KLF7: variants seen among roughly 807,000 people sequenced by gnomAD.
The protein encoded by KLF7 is KLF transcription factor 7, also known as Krueppel-like factor 7.
Under a neutral mutation model 27.3 loss-of-function variants are expected in KLF7, and 2 were observed. That is an observed-to-expected ratio of 0.07 (90% confidence interval 0.03 to 0.23). KLF7 has a LOEUF of 0.23. Among genes scored for constraint, KLF7 ranks in the 10% least tolerant of loss-of-function variants. The probability of loss-of-function intolerance (pLI) is 1.00; values close to 1 mark genes in which losing one functional copy is unlikely to be tolerated. For synonymous variants in KLF7, 165 were observed against 162.4 expected (o/e 1.02, Z -0.12); for missense variants, 221 against 394.1 (o/e 0.56, Z 3.72).
At chr2:207,117,824 G>A (rs1408646028) in intron 2 of KLF7, among the ~76,000 whole-genome samples, 3 of 152,200 alleles carry the variant, frequency 2.0e-5, no homozygotes, top group Non-Finnish European at 4.4e-5. Context: ...GAAGCGACTT[G>A]TTATCTCCAA....
At chr2:207,117,556 A>C (rs1218521991) in intron 2 of KLF7, among the ~76,000 whole-genome samples, 1 of 152,156 alleles carries the variant, frequency 6.6e-6, no homozygotes, top group South Asian at 2.1e-4. Flanking sequence ...GTCTCGGCAT[A>C]TTAAAGGCCC....
At chr2:207,155,850 G>A (rs1055383267) in intron 1 of KLF7, among the ~76,000 whole-genome samples, 1 of 152,292 alleles carries the variant, frequency 6.6e-6, no homozygotes, top group Non-Finnish European at 1.5e-5. Flanking sequence ...AAAGGCAGGG[G>A]GTGTTGGGGT....
upstream of KLF7, chr2:207,166,410 G>C (rs1033024296): frequency 1.3e-5 from 2 of 155,648 alleles, no homozygotes; most frequent in African/African-American, 2.4e-5. Context: ...GCAAGGGACA[G>C]GGAGGGTCGT....
At chr2:207,126,643 C>T (rs1369128883) in intron 1 of KLF7, among the ~76,000 whole-genome samples, 1 of 152,074 alleles carries the variant, frequency 6.6e-6, no homozygotes, top group African/African-American at 2.4e-5. Flanking sequence ...TCCACAAAAA[C>T]TAAAAGAAAA....
At chr2:207,168,898 C>A (rs775731674), upstream of KLF7, among the ~76,000 whole-genome samples, 2 of 152,204 alleles carry the variant, frequency 1.3e-5, no homozygotes, top group African/African-American at 4.8e-5. Flanking sequence ...CACAAGAGAA[C>A]TTTGGCAGTT....
At position 207,077,722 on chromosome 2, in the gene KLF7, A is replaced by G. The variant is rs1157472390; in HGVS notation, c.*3491T>C. On this transcript the variant is annotated 3_prime_UTR_variant, in exon 4 of 4. Transcript: ENST00000309446. ...GAGGCCAGTAGCTAGGAGCAGCATT[A>G]TAATTTCAGGTTTCCATGTCTATGA... 1 of 152,186 alleles carries G rather than the reference A, an allele frequency of 6.6e-6. No individual in the cohort carries two copies. The highest frequency in any genetic ancestry group is 1.5e-5 in the Non-Finnish European group (1 of 68,042). The allele number at this position is 152,186 out of a possible 1,614,324, so 9.4% of individuals were successfully genotyped here.
chr2:207,165,924 T>G lies in KLF7; in HGVS notation c.-356A>C. The G allele has an allele frequency of 3.7e-6, 4 of 1,095,738 alleles. No homozygotes were observed. The highest frequency in any genetic ancestry group is 4.5e-6 in the Non-Finnish European group (4 of 896,642). The allele number at this position is 1,095,738 out of a possible 1,614,324, so 67.9% of individuals were successfully genotyped here. A position where few individuals can be genotyped will look rare whatever the true frequency, so the allele number is the denominator to read the frequency against. On this transcript the variant is annotated 5_prime_UTR_variant, in exon 1 of 4. Transcript: ENST00000309446. The stretch of plus-strand genomic sequence containing the variant: ...GGATGCAAACTCACTGACACGAAGC[T>G]GCCATCTATTTCTGCAGCGCTGTTC...
chr2:207,166,944 G>A, upstream of KLF7: 1 of 883,182 alleles, frequency 1.1e-6, no homozygotes, highest in Non-Finnish European at 1.4e-6. Context: ...CGCGGGCGCC[G>A]CCGCCGCCGC....
Position 207,150,305 on chromosome 2 carries a change from A to G in KLF7, c.102+15162T>C, listed in dbSNP as rs73983201. ...GCAAACACACATGAATACACACGAA[A>G]TAAATTACAAAGTTTTACGTCCCCA... is the stretch of plus-strand genomic sequence containing the variant. On this transcript the variant is annotated intron_variant, in intron 1 of 3. Coordinates refer to ENST00000309446, the MANE Select transcript of KLF7 (RefSeq NM_003709.4). Among the ~76,000 whole-genome samples, 232 of 152,372 alleles carry G rather than the reference A, an allele frequency of 1.5e-3. 1 individual carries two copies. The highest frequency in any genetic ancestry group is 5.5e-3 in the African/African-American group (227 of 41,592).
chr2:207,126,809 CAA>C (rs35099385), intron 1 of KLF7, among the ~76,000 whole-genome samples: 26 of 128,934 alleles, frequency 2.0e-4, no homozygotes, highest in African/African-American at 5.5e-4. Flanking sequence ...CTGTTTCTAC[CAA>C]AAAAAAAAAA....
intron 2 of KLF7, among the ~76,000 whole-genome samples, chr2:207,099,621 T>C (rs1233360331): frequency 1.7e-5 from 2 of 118,394 alleles, no homozygotes; most frequent in Non-Finnish European, 1.7e-5. Flanking sequence ...TAAGAAAGGA[T>C]AATCCAAAAA....
chr2:207,102,966 T>C (rs1466505051), intron 2 of KLF7, among the ~76,000 whole-genome samples: 1 of 152,188 alleles, frequency 6.6e-6, no homozygotes, highest in Non-Finnish European at 1.5e-5. Context: ...TCTCGCTCTG[T>C]CACCCAGGTT....
At chr2:207,103,697 T>C (rs534689725) in intron 2 of KLF7, among the ~76,000 whole-genome samples, 1 of 152,302 alleles carries the variant, frequency 6.6e-6, no homozygotes, top group East Asian at 1.9e-4. Context: ...TTACCACTTA[T>C]GATGTGCCCT....
At chr2:207,123,156 A>ATGTT (rs1183830416) in intron 2 of KLF7, among the ~76,000 whole-genome samples, 1 of 152,110 alleles carries the variant, frequency 6.6e-6, no homozygotes, top group Non-Finnish European at 1.5e-5. Flanking sequence ...ACACATAGCA[A>ATGTT]TGTAATCACT....
intron 2 of KLF7, among the ~76,000 whole-genome samples, chr2:207,097,780 T>A (rs998141609): frequency 5.3e-5 from 8 of 152,244 alleles, no homozygotes; most frequent in African/African-American, 1.9e-4. Context: ...TGTAATTTGT[T>A]ATTCCAATAC....
chr2:207,096,696 T>C (rs1184657988), intron 2 of KLF7, among the ~76,000 whole-genome samples: 1 of 152,150 alleles, frequency 6.6e-6, no homozygotes, highest in Non-Finnish European at 1.5e-5. Context: ...GGAGCCTCTC[T>C]CACTGGCCAG....
upstream of KLF7, among the ~76,000 whole-genome samples, chr2:207,168,004 A>G (rs1286471560): frequency 1.3e-5 from 2 of 152,184 alleles, no homozygotes; most frequent in Non-Finnish European, 1.5e-5. Flanking sequence ...CTAGTTTGTT[A>G]CAAGGTCTCC....
chr2:207,145,269 T>C (rs889846138), intron 1 of KLF7, among the ~76,000 whole-genome samples: 4 of 152,194 alleles, frequency 2.6e-5, no homozygotes. Context: ...CCCAATAACT[T>C]TTCCTATTCT....
At chr2:207,172,039 C>T (rs988622520), upstream of KLF7, among the ~76,000 whole-genome samples, 3 of 152,174 alleles carry the variant, frequency 2.0e-5, no homozygotes, top group Admixed American at 6.5e-5. Context: ...ATGTATGGCA[C>T]CCTGACATAC....
Sources: gnomAD v4.1 joint callset for allele counts (sites outside exome capture counted in the v4.1 genomes callset) on GRCh38, gnomAD v4.1.1 for gene constraint, MANE v1.5 for transcripts, NCBI Gene and HGNC (gene_info 2026-07-23, HGNC 2026-07-21) for gene names.